Variants in NOTCH2 observed in about 807,000 individuals in gnomAD.
NOTCH2 encodes the protein notch receptor 2, also known as neurogenic locus notch homolog protein 2.
Under a neutral mutation model 235.8 loss-of-function variants are expected in NOTCH2, and 29 were observed. That is an observed-to-expected ratio of 0.12 (90% confidence interval 0.09 to 0.17). The LOEUF (loss-of-function observed/expected upper bound fraction) is 0.17, where lower values mean the gene tolerates loss of function less well. NOTCH2 is among the 10% of genes least tolerant of loss of function. The pLI, the probability that NOTCH2 is intolerant of heterozygous loss-of-function variation, is 1.00. For synonymous variants in NOTCH2, 1,086 were observed against 1,141.5 expected (o/e 0.95, Z 0.98); for missense variants, 2,285 against 3,150.2 (o/e 0.73, Z 6.57).
At chr1:120,002,091 A>T (rs1160172928) in intron 3 of NOTCH2, among the ~76,000 whole-genome samples, 11 of 152,084 alleles carry the variant, frequency 7.2e-5, no homozygotes, top group Admixed American at 4.6e-4. Context: ...ACCACTCACC[A>T]TCACCCCTAG....
In NOTCH2 at chr1:119,916,680, C is replaced by G. The variant is rs1000209105; in HGVS notation, c.6042G>C (p.Leu2014=). 8 of 1,614,072 alleles carry G rather than the reference C, an allele frequency of 5.0e-6. No homozygotes were observed. The highest frequency in any genetic ancestry group is 2.7e-5 in the African/African-American group (2 of 74,924). ...DMQDNKEETP[L]FLAAREGSYE... is the part of the protein sequence containing the mutation. ...AGCTCCCCTCCCGGGCAGCAAGAAA[C>G]AGAGGTGTCTCTTCCTACAGAAAAG... The change falls in exon 34 of 34, where the codon CTG becomes CTC. Residue 2014 remains leucine (L), a synonymous_variant. Coordinates refer to ENST00000256646, the MANE Select transcript of NOTCH2 (RefSeq NM_024408.4).
chr1:119,942,044 T>C (rs1307399357), intron 17 of NOTCH2, among the ~76,000 whole-genome samples: 3 of 152,246 alleles, frequency 2.0e-5, no homozygotes, highest in Non-Finnish European at 4.4e-5. Context: ...AAATCAAATA[T>C]GTGCCCCAAT....
chr1:120,012,802 C>T (rs1653252762), intron 2 of NOTCH2, among the ~76,000 whole-genome samples: 1 of 151,872 alleles, frequency 6.6e-6, no homozygotes, highest in Non-Finnish European at 1.5e-5. Flanking sequence ...TGCCCCAAGA[C>T]TAGCACCTAT....
At chr1:119,987,585 G>A (rs1212170602) in intron 4 of NOTCH2, among the ~76,000 whole-genome samples, 1 of 152,104 alleles carries the variant, frequency 6.6e-6, no homozygotes, top group Non-Finnish European at 1.5e-5. Context: ...CTTAAAGTAT[G>A]AAGATATGGA....
intron 4 of NOTCH2, among the ~76,000 whole-genome samples, chr1:119,987,733 G>T (rs1447232950): frequency 6.6e-6 from 1 of 152,140 alleles, no homozygotes; most frequent in Non-Finnish European, 1.5e-5. Flanking sequence ...CACATCATGA[G>T]TAAAGTGCTA....
intron 25 of NOTCH2, among the ~76,000 whole-genome samples, chr1:119,924,970 T>G (rs767677955): frequency 8.5e-5 from 13 of 152,190 alleles, no homozygotes; most frequent in Non-Finnish European, 1.6e-4. Flanking sequence ...AAGAGAGAGA[T>G]ACAGACCTTT....
At position 119,922,533 on chromosome 1, in the gene NOTCH2, ACCTCAACAGT is replaced by A. The variant is rs587711621; in HGVS notation, c.5002+93_5003-88del. The A allele has an allele frequency of 1.4e-4, 218 of 1,595,344 alleles. No individual in the cohort carries two copies. In the African/African-American group the frequency reaches 2.7e-3, roughly 20 times the overall value. On this transcript the variant is annotated intron_variant, in intron 27 of 33. Coordinates refer to ENST00000256646, the MANE Select transcript of NOTCH2 (RefSeq NM_024408.4). ...TAGATTCATTTAGAGGGCAACTTTG[ACCTCAACAGT>A]CCTGAAAAAATAGAGGGCTACATAA... is the stretch of plus-strand genomic sequence containing the variant.
In NOTCH2 at chr1:119,925,703, G is replaced by C. The variant is rs141657857; in HGVS notation, c.4113C>G (p.Pro1371=). ...TGGCACAGCCTGACTCGCAGTCCCGGGGACTGGGGCAGAAGCAGCGGGGTC... is the reference window on the plus strand; with the variant it reads ...TGGCACAGCCTGACTCGCAGTCCCGCGGACTGGGGCAGAAGCAGCGGGGTC... The part of the protein sequence containing the change: ...ASGPRCFCPS[P]RDCESGCASS... Residue 1371 remains proline, a synonymous_variant, in exon 25 of 34, where the codon CCC becomes CCG. Coordinates refer to ENST00000256646, the MANE Select transcript of NOTCH2 (RefSeq NM_024408.4). 175 of 1,612,748 alleles carry C rather than the reference G, an allele frequency of 1.1e-4. No individual in the cohort carries two copies. Among genetic ancestry groups the C allele is most frequent in the Non-Finnish European group, 1.4e-4 (161 of 1,179,034 alleles).
At chr1:119,976,708 C>T (rs1651592737) in intron 5 of NOTCH2, among the ~76,000 whole-genome samples, 1 of 152,084 alleles carries the variant, frequency 6.6e-6, no homozygotes, top group Non-Finnish European at 1.5e-5. Context: ...ATTCTAACAC[C>T]TACCAGTGTT....
Position 119,921,518 on chromosome 1 carries a change from A to C in NOTCH2, c.5310+195T>G, listed in dbSNP as rs3850868. 0.016 allele frequency among the ~76,000 whole-genome samples: 2,387 copies of C among 152,336 alleles called. 112 individuals are homozygous for C. The highest frequency in any genetic ancestry group is 0.11 in the South Asian group (517 of 4,830). On this transcript the variant is annotated intron_variant, in intron 29 of 33. Coordinates refer to ENST00000256646, the MANE Select transcript of NOTCH2 (RefSeq NM_024408.4). Reference sequence around the variant, plus strand: ...TTAAAGAGTTATTCTTGAAGAGCATATATAGGTAACCCAAGGTCATTTACG... The same window carrying C: ...TTAAAGAGTTATTCTTGAAGAGCATCTATAGGTAACCCAAGGTCATTTACG...
intron 3 of NOTCH2, among the ~76,000 whole-genome samples, chr1:120,001,411 G>T (rs1652746059): frequency 6.6e-6 from 1 of 151,986 alleles, no homozygotes; most frequent in African/African-American, 2.4e-5. Flanking sequence ...CTCTGGCTTT[G>T]CCCTGCCCAG....
chr1:120,065,130 C>T (rs1655455974), intron 1 of NOTCH2, among the ~76,000 whole-genome samples: 1 of 152,138 alleles, frequency 6.6e-6, no homozygotes, highest in Non-Finnish European at 1.5e-5. Context: ...AGAAACCCCA[C>T]ACACAAAGAA....
intron 2 of NOTCH2, among the ~76,000 whole-genome samples, chr1:120,027,757 G>C (rs12030608): frequency 0.016 from 2,366 of 144,452 alleles, no homozygotes; most frequent in African/African-American, 0.047. Flanking sequence ...TTAGTTTGCT[G>C]AGAATGATGG....
At position 119,918,225 on chromosome 1, in the gene NOTCH2, G is replaced by C. The variant is rs587639619; in HGVS notation, c.5929+181C>G. ...TTAAAAATCCCTCATTTTAATTAGG[G>C]ATCTCCTACTGGCTTGGATCTCTGA... On this transcript the variant is annotated intron_variant, in intron 32 of 33. Coordinates refer to ENST00000256646, the MANE Select transcript of NOTCH2 (RefSeq NM_024408.4). Among the ~76,000 whole-genome samples the C allele has an allele frequency of 1.6e-4, 24 of 152,254 alleles. 2 individuals carry two copies. The South Asian group carries it at 5.0e-3, about 32-fold the overall frequency.
chr1:120,045,710 TAC>T (rs1430928689), intron 1 of NOTCH2, among the ~76,000 whole-genome samples: 2 of 152,406 alleles, frequency 1.3e-5, no homozygotes, highest in Non-Finnish European at 2.9e-5. Context: ...ACCTCAAGTA[TAC>T]AGTTTTTTAA....
chr1:120,040,854 G>A (rs1425581372), intron 1 of NOTCH2, among the ~76,000 whole-genome samples: 2 of 149,686 alleles, frequency 1.3e-5, no homozygotes, highest in East Asian at 1.9e-4. Context: ...TGGCTAACAC[G>A]GTGAAACCAC....
At chr1:119,920,082 T>C in intron 30 of NOTCH2, 147 bp downstream of exon 30, 1 of 830,678 alleles carries the variant, frequency 1.2e-6, no homozygotes. Flanking sequence ...TGTGGCTACA[T>C]TCCTTAAGCA....
At chr1:119,945,974 A>G (rs1331197582) in intron 17 of NOTCH2, among the ~76,000 whole-genome samples, 2 of 152,086 alleles carry the variant, frequency 1.3e-5, no homozygotes, top group Non-Finnish European at 2.9e-5. Flanking sequence ...AGAAGAGACA[A>G]ATTACCAATA....
rs141385984 is a variant in NOTCH2 at position 119,929,042 on chromosome 1, C to G, written c.3826G>C (p.Glu1276Gln). The G allele has an allele frequency of 6.2e-7, 1 of 1,614,192 alleles. No individual in the cohort carries two copies. Among genetic ancestry groups the G allele is most frequent in the African/African-American group, 1.3e-5 (1 of 75,034 alleles). ...NECLSNPCSS[E>Q]GSLDCIQLTN... ...AGCTGTATACAGTCCAGGCTGCCCT[C>G]AGAGCTGCAGGGGTTGGAGAGGCAC... The change falls in exon 23 of 34, where the codon GAG becomes CAG. Residue 1276 changes from glutamate to glutamine, a missense_variant. Transcript: ENST00000256646.
Sources: allele counts gnomAD v4.1 joint callset (sites outside exome capture counted in the v4.1 genomes callset), GRCh38; gene constraint gnomAD v4.1.1; transcripts MANE v1.5; gene names NCBI Gene and HGNC (gene_info 2026-07-23, HGNC 2026-07-21).